Variants in ANKMY1 observed in about 807,000 individuals in gnomAD.
ANKMY1 encodes ankyrin repeat and MYND domain-containing protein 1.
A neutral mutation model predicts 102.0 loss-of-function variants in ANKMY1; 98 were observed. The observed-to-expected ratio is 0.96, with a 90% CI of 0.82 to 1.14. The LOEUF is 1.14. ANKMY1 is among the 50% of genes most tolerant of loss of function. ANKMY1 has a pLI of 0.00. For missense variants in ANKMY1, 1,330 were observed against 1,347.6 expected, an observed-to-expected ratio of 0.99 and a Z score of 0.20; for synonymous variants, 582 against 559.9, an observed-to-expected ratio of 1.04 and a Z score of -0.56.
intron 4 of ANKMY1, among the ~76,000 whole-genome samples, chr2:240,543,880 T>C (rs2089642137): frequency 6.6e-6 from 1 of 152,204 alleles, no homozygotes; most frequent in Non-Finnish European, 1.5e-5. Context: ...TGTGGAACTG[T>C]TCTCATCTAT....
At chr2:240,495,785 G>A (rs2077180332) in intron 15 of ANKMY1, among the ~76,000 whole-genome samples, 1 of 152,070 alleles carries the variant, frequency 6.6e-6, no homozygotes, top group South Asian at 2.1e-4. Context: ...CACATGGGGA[G>A]AAAAACTCAC....
At position 240,503,989 on chromosome 2, in the gene ANKMY1, C is replaced by T. The variant is rs529596666; in HGVS notation, c.2527-3424G>A. 5.9e-5 allele frequency among the ~76,000 whole-genome samples: 9 copies of T among 152,332 alleles called. 1 individual carries two copies. The highest frequency in any genetic ancestry group is 5.9e-4 in the Admixed American group (9 of 15,300). ...CCAGAAGCCACAGCGAGGTCTGCAC[C>T]AGGGTCACAACCCTGCAACACCTCG... On this transcript the variant is annotated intron_variant, in intron 13 of 17. Transcript: ENST00000401804.
intron 15 of ANKMY1, 139 bp from the exon 16 acceptor site, chr2:240,482,400 G>T: frequency 1.4e-6 from 1 of 714,250 alleles, no homozygotes; most frequent in Non-Finnish European, 2.2e-6. Flanking sequence ...AGCCTTTGAT[G>T]GCTCCATAGT....
Position 240,552,957 on chromosome 2 carries a change from C to A in ANKMY1, c.437G>T (p.Arg146Leu). The change falls in exon 4 of 18, where the codon CGA becomes CTA. Residue 146 changes from arginine (R) to leucine (L), a missense_variant. Arg to Leu is a moderately radical substitution (Grantham distance 102, BLOSUM62 -2). Transcript: ENST00000401804. ...SFTGTFYLSH[R>L]EGYGTMYMKT... is the part of the protein sequence containing the mutation. ...CATGTACATGGTGCCGTAGCCTTCT[C>A]GGTGGCTGAGGTAAAATGTGCCCGT... is the stretch of plus-strand genomic sequence containing the variant. The A allele has an allele frequency of 6.2e-7, 1 of 1,614,018 alleles. No homozygotes were observed. The highest frequency in any genetic ancestry group is 8.5e-7 in the Non-Finnish European group (1 of 1,180,016).
In ANKMY1 at chr2:240,481,022, G is replaced by A. The variant is rs770703074; in HGVS notation, c.2961C>T (p.Tyr987=). The A allele has an allele frequency of 1.9e-5, 31 of 1,613,870 alleles. No homozygotes were observed. The highest frequency in any genetic ancestry group is 3.3e-5 in the Admixed American group (2 of 59,998). ...AGTACTTGCTGCAGGTCAGGATCCCGTAGCAGCGAGGGCAGGGCAAGAGGC... is the reference window on the plus strand; with the variant it reads ...AGTACTTGCTGCAGGTCAGGATCCCATAGCAGCGAGGGCAGGGCAAGAGGC... ...GVRLLPCPRC[Y]GILTCSKYCK... The change falls in exon 17 of 18, where the codon TAC becomes TAT. Residue 987 remains tyrosine (Y), a synonymous_variant. Transcript: ENST00000401804.
chr2:240,547,000 A>G (rs2124935732), intron 4 of ANKMY1, among the ~76,000 whole-genome samples: 1 of 152,318 alleles, frequency 6.6e-6, no homozygotes, highest in African/African-American at 2.4e-5. Context: ...TCAGCTCTGC[A>G]CCAAGCAGAC....
intron 5 of ANKMY1, chr2:240,526,741 T>C (rs1037797268): frequency 3.0e-6 from 4 of 1,323,148 alleles, no homozygotes; most frequent in African/African-American, 1.5e-5. Flanking sequence ...TTCATCTGGG[T>C]GTTTGCTAAG....
At chr2:240,560,976 G>A, upstream of ANKMY1, 2 of 1,515,632 alleles carry the variant, frequency 1.3e-6, no homozygotes, top group East Asian at 2.7e-5. Context: ...CGCCGGCGGC[G>A]CCTGCCTAGT....
At chr2:240,496,352 TTAGATAGATAGATAGATAGATAGATAGA>T (rs55671912) in intron 15 of ANKMY1, among the ~76,000 whole-genome samples, 7 of 147,408 alleles carry the variant, frequency 4.7e-5, no homozygotes, top group East Asian at 4.0e-4. Flanking sequence ...GGTACTCTAA[TTAGATAGATAGATAGATAGATAGATAGA>T]TAGATAGATA....
chr2:240,476,385 ACT>A (rs1207563775), downstream of ANKMY1, among the ~76,000 whole-genome samples: 1 of 152,168 alleles, frequency 6.6e-6, no homozygotes, highest in African/African-American at 2.4e-5. Flanking sequence ...AAGCCAGAAA[ACT>A]CTGCTCAAAA....
chr2:240,480,902 G>A lies in ANKMY1; in HGVS notation c.3046+35C>T, dbSNP rs370722801. On this transcript the variant is annotated intron_variant, in intron 17 of 17. Coordinates refer to ENST00000401804, the MANE Select transcript of ANKMY1 (RefSeq NM_001282771.3). ...CTGCGCCTTCGCCCTCAGCAGCAGC[G>A]GAACCCTTGCCTCCCAGCCTGAGGG... 1.5e-5 allele frequency: 24 copies of A among 1,591,166 alleles called. No homozygotes were observed. The East Asian group carries it at 2.5e-4, about 16-fold the overall frequency.
chr2:240,543,420 T>C (rs1293890923), intron 4 of ANKMY1, among the ~76,000 whole-genome samples: 1 of 152,054 alleles, frequency 6.6e-6, no homozygotes, highest in Admixed American at 6.5e-5. Context: ...CATATATTTT[T>C]ATCTGGGTTT....
At chr2:240,530,799 A>G (rs1398405568) in intron 4 of ANKMY1, among the ~76,000 whole-genome samples, 2 of 152,204 alleles carry the variant, frequency 1.3e-5, no homozygotes, top group Admixed American at 1.3e-4. Flanking sequence ...CTGTAAGCCC[A>G]GCTACTCAGA....
intron 6 of ANKMY1, 167 bp downstream of exon 6, chr2:240,526,062 C>T (rs1298003842): frequency 3.0e-6 from 3 of 990,490 alleles, no homozygotes; most frequent in Admixed American, 4.4e-5. Context: ...GAGTGTCACA[C>T]TCAGCTGAGT....
chr2:240,507,853 G>A lies in ANKMY1; in HGVS notation c.2395-162C>T, dbSNP rs189012143. 149 of 780,110 alleles carry A rather than the reference G, an allele frequency of 1.9e-4. 1 individual carries two copies. The South Asian group carries it at 2.8e-3, about 15-fold the overall frequency. 48.3% of individuals were successfully genotyped at this position (780,110 alleles called of 1,614,324 possible). On this transcript the variant is annotated intron_variant, in intron 12 of 17. Transcript: ENST00000401804. ...ACGGATCCTACCCACAGTGGGTCCCGCTGCTGGCCTGTCCCACAGAGGATG... is the reference window on the plus strand; with the variant it reads ...ACGGATCCTACCCACAGTGGGTCCCACTGCTGGCCTGTCCCACAGAGGATG...
At chr2:240,559,439 A>G (rs2092747862), upstream of ANKMY1, among the ~76,000 whole-genome samples, 1 of 152,160 alleles carries the variant, frequency 6.6e-6, no homozygotes, top group Non-Finnish European at 1.5e-5. Flanking sequence ...GAGCCTTCCA[A>G]AGTGCTCTCT....
chr2:240,526,124 T>C (rs775714357), intron 6 of ANKMY1, 105 bp downstream of exon 6: 222 of 1,358,052 alleles, frequency 1.6e-4, no homozygotes, highest in Non-Finnish European at 2.0e-4. Context: ...TGTCCCCATG[T>C]ACCTCAGCTC....
intron 9 of ANKMY1, among the ~76,000 whole-genome samples, chr2:240,519,518 C>T (rs1208999000): frequency 6.6e-6 from 1 of 152,190 alleles, no homozygotes; most frequent in African/African-American, 2.4e-5. Flanking sequence ...GGCCTCACCC[C>T]AGACGCCTCT....
the ANKMY1 span, among the ~76,000 whole-genome samples, chr2:240,473,822 T>A: frequency 6.6e-6 from 1 of 152,214 alleles, no homozygotes; most frequent in Non-Finnish European, 1.5e-5. Flanking sequence ...ACATCCTGTT[T>A]CGGTAAAAAC....
Sources: gnomAD v4.1 joint callset for allele counts (sites outside exome capture counted in the v4.1 genomes callset) on GRCh38, gnomAD v4.1.1 for gene constraint, MANE v1.5 for transcripts, NCBI Gene and HGNC (gene_info 2026-07-23, HGNC 2026-07-21) for gene names.